LMNTD1: variants seen among roughly 807,000 people sequenced by gnomAD.
The protein encoded by LMNTD1 is lamin tail domain containing 1.
A neutral mutation model predicts 50.9 loss-of-function variants in LMNTD1; 35 were observed. That is an observed-to-expected ratio of 0.69 (90% confidence interval 0.53 to 0.91). The LOEUF is 0.91. Ranked by LOEUF, LMNTD1 falls within the 40% of genes least tolerant of loss-of-function variation. LMNTD1 has a pLI of 0.00. For synonymous variants in LMNTD1, 153 were observed against 161.9 expected (o/e 0.94, Z 0.42); for missense variants, 470 against 475.5 (o/e 0.99, Z 0.11).
At chr12:25,521,971 A>G (rs919737853) in intron 6 of LMNTD1, among the ~76,000 whole-genome samples, 1 of 152,208 alleles carries the variant, frequency 6.6e-6, no homozygotes. Context: ...TCTATTCAAC[A>G]TGAAAAACGT....
At chr12:25,516,624 C>T (rs1940797598) in intron 8 of LMNTD1, among the ~76,000 whole-genome samples, 1 of 151,988 alleles carries the variant, frequency 6.6e-6, no homozygotes, top group East Asian at 1.9e-4. Flanking sequence ...GAGTTTATTG[C>T]TAAAGAGACC....
At chr12:25,483,834 C>T (rs1376591024) in intron 9 of LMNTD1, among the ~76,000 whole-genome samples, 1 of 151,536 alleles carries the variant, frequency 6.6e-6, no homozygotes, top group Non-Finnish European at 1.5e-5. Flanking sequence ...GGTAATAACC[C>T]CAAACAATCT....
Position 25,526,623 on chromosome 12 carries a change from G to A in LMNTD1, c.678+146C>T, listed in dbSNP as rs76347087. ...AACATCCAGAAGATGGACAAAGTGC[G>A]GTAATTAACCACCAACAACAAAATC... is the stretch of plus-strand genomic sequence containing the variant. On this transcript the variant is annotated intron_variant, in intron 5 of 9. Coordinates refer to ENST00000458174, the MANE Select transcript of LMNTD1 (RefSeq NM_001145728.2). 7.3e-3 allele frequency: 3,533 copies of A among 483,642 alleles called. 24 individuals are homozygous for A. The highest frequency in any genetic ancestry group is 0.024 in the African/African-American group (1,182 of 50,064). The allele number at this position is 483,642 out of a possible 1,614,324, so 30.0% of individuals were successfully genotyped here.
chr12:25,595,804 T>C (rs1258612963), intron 1 of LMNTD1, among the ~76,000 whole-genome samples: 1 of 152,180 alleles, frequency 6.6e-6, no homozygotes, highest in South Asian at 2.1e-4. Context: ...AAAAAGCTGG[T>C]TTTTTGAAAA....
At chr12:25,477,315 G>A (rs143767518) in intron 9 of LMNTD1, among the ~76,000 whole-genome samples, 9 of 152,214 alleles carry the variant, frequency 5.9e-5, no homozygotes, top group African/African-American at 1.4e-4. Context: ...GGAAAAAGGC[G>A]ACAGAGAGAG....
chr12:25,536,977 G>A (rs572021811), intron 4 of LMNTD1, among the ~76,000 whole-genome samples: 23 of 152,368 alleles, frequency 1.5e-4, no homozygotes, highest in South Asian at 6.2e-4. Flanking sequence ...GACGGCACCT[G>A]GAAAATCGGG....
Position 25,604,329 on chromosome 12 carries a change from CTTTA to C in LMNTD1, c.58+44161_58+44164del, listed in dbSNP as rs374695498. Among the ~76,000 whole-genome samples the C allele has an allele frequency of 3.8e-3, 580 of 151,878 alleles. 11 individuals are homozygous for C. The highest frequency in any genetic ancestry group is 0.014 in the African/African-American group (563 of 41,436). ...TTTAAACATTTTAAAAATCATGGTT[CTTTA>C]TTTATTTATTTTTAAAATTTTATTA... is the stretch of plus-strand genomic sequence containing the variant. On this transcript the variant is annotated intron_variant, in intron 1 of 7. Coordinates refer to the LMNTD1 transcript ENST00000445693.
At chr12:25,627,966 G>C (rs537938804) in intron 1 of LMNTD1, among the ~76,000 whole-genome samples, 69 of 151,356 alleles carry the variant, frequency 4.6e-4, no homozygotes, top group African/African-American at 1.6e-3. Flanking sequence ...AAATTAGCCG[G>C]GCATGGTGGC....
At chr12:25,517,918 G>T (rs1346501204) in intron 8 of LMNTD1, among the ~76,000 whole-genome samples, 1 of 151,946 alleles carries the variant, frequency 6.6e-6, no homozygotes, top group East Asian at 1.9e-4. Flanking sequence ...GTGATTTCGT[G>T]GTGTCTTAAA....
intron 4 of LMNTD1, among the ~76,000 whole-genome samples, chr12:25,544,738 A>G (rs1375220862): frequency 1.3e-5 from 2 of 151,544 alleles, no homozygotes; most frequent in Non-Finnish European, 3.0e-5. Context: ...TTGTGGTTAC[A>G]TGAGGCTTAC....
At chr12:25,522,750 C>T (rs1941413078) in intron 6 of LMNTD1, among the ~76,000 whole-genome samples, 2 of 152,104 alleles carry the variant, frequency 1.3e-5, no homozygotes, top group South Asian at 4.1e-4. Context: ...AATTATTTGA[C>T]ATGTAATTTA....
At chr12:25,605,678 C>T (rs1946083529) in intron 1 of LMNTD1, among the ~76,000 whole-genome samples, 1 of 152,082 alleles carries the variant, frequency 6.6e-6, no homozygotes, top group Non-Finnish European at 1.5e-5. Context: ...TTTCTGAGAG[C>T]TCTGTTCTGT....
At chr12:25,635,915 A>G (rs994671906) in intron 1 of LMNTD1, among the ~76,000 whole-genome samples, 6 of 152,252 alleles carry the variant, frequency 3.9e-5, no homozygotes, top group Non-Finnish European at 8.8e-5. Context: ...TGGTGCTGGG[A>G]TAATTGGCTA....
chr12:25,639,983 C>A (rs1330368533), intron 1 of LMNTD1, among the ~76,000 whole-genome samples: 1 of 152,160 alleles, frequency 6.6e-6, no homozygotes, highest in African/African-American at 2.4e-5. Flanking sequence ...AAATGAACTA[C>A]TGATACATAC....
intron 4 of LMNTD1, among the ~76,000 whole-genome samples, 162 bp downstream of exon 4, chr12:25,546,212 T>C (rs1466573087): frequency 6.6e-6 from 1 of 151,676 alleles, no homozygotes; most frequent in Non-Finnish European, 1.5e-5. Flanking sequence ...ATTATATCAA[T>C]TTATTTTAAT....
chr12:25,544,301 C>A (rs992369380), intron 4 of LMNTD1, among the ~76,000 whole-genome samples: 4 of 151,748 alleles, frequency 2.6e-5, no homozygotes, highest in Non-Finnish European at 1.5e-5. Context: ...TGAATTGACC[C>A]CTTTATCATT....
At chr12:25,579,294 T>G (rs1945172885) in intron 1 of LMNTD1, among the ~76,000 whole-genome samples, 2 of 152,102 alleles carry the variant, frequency 1.3e-5, no homozygotes, top group Admixed American at 6.6e-5. Flanking sequence ...TATTATTACC[T>G]AAAAAACACA....
At chr12:25,627,934 C>G (rs1014379944) in intron 1 of LMNTD1, among the ~76,000 whole-genome samples, 4 of 150,902 alleles carry the variant, frequency 2.7e-5, no homozygotes, top group Non-Finnish European at 5.9e-5. Flanking sequence ...ACGGTGAAAC[C>G]CCGTCTCTAC....
intron 9 of LMNTD1, among the ~76,000 whole-genome samples, chr12:25,488,815 G>A (rs1473772578): frequency 2.6e-5 from 4 of 152,176 alleles, no homozygotes; most frequent in Admixed American, 6.5e-5. Flanking sequence ...TTTTCGGTGT[G>A]GATGTCCTTT....
Sources: allele counts gnomAD v4.1 joint callset (sites outside exome capture counted in the v4.1 genomes callset), GRCh38; gene constraint gnomAD v4.1.1; transcripts MANE v1.5; gene names NCBI Gene and HGNC (gene_info 2026-07-23, HGNC 2026-07-21).